B9D1: variants seen among roughly 807,000 people sequenced by gnomAD.
B9D1 encodes B9 domain containing 1, also known as B9 domain-containing protein 1.
B9D1 carries 20 observed loss-of-function variants against 26.1 expected under a neutral mutation model. The observed-to-expected ratio is 0.77, with a 90% CI of 0.54 to 1.12. B9D1 has a LOEUF of 1.12. B9D1 is among the 50% of genes most tolerant of loss of function. B9D1 has a pLI of 0.00. For missense variants in B9D1, 260 were observed against 273.7 expected (o/e 0.95, Z 0.35); for synonymous variants, 105 against 103.1 (o/e 1.02, Z -0.11).
chr17:19,352,361 T>G (rs1909724369), intron 3 of B9D1, among the ~76,000 whole-genome samples: 1 of 152,050 alleles, frequency 6.6e-6, no homozygotes, highest in Admixed American at 6.6e-5. Context: ...CTTTTTTTTT[T>G]TGAGATTGAG....
intron 3 of B9D1, among the ~76,000 whole-genome samples, chr17:19,356,878 C>T (rs971369942): frequency 7.2e-5 from 11 of 152,148 alleles, no homozygotes; most frequent in South Asian, 4.1e-4. Flanking sequence ...GAGGTTCGTC[C>T]AGTACCTACA....
At chr17:19,361,506 G>GT (rs2152277476) in intron 1 of B9D1, among the ~76,000 whole-genome samples, 1 of 152,202 alleles carries the variant, frequency 6.6e-6, no homozygotes, top group Admixed American at 6.5e-5. Context: ...TGTGGCGGGG[G>GT]GGTCGCTGAT....
intron 5 of B9D1, chr17:19,346,984 G>A (rs1344678750): frequency 2.0e-6 from 3 of 1,531,560 alleles, no homozygotes; most frequent in East Asian, 2.5e-5. Context: ...GTCACATTAT[G>A]TCATGAGCAT....
downstream of B9D1, among the ~76,000 whole-genome samples, chr17:19,342,535 G>A (rs1221562375): frequency 6.6e-6 from 1 of 152,046 alleles, no homozygotes; most frequent in African/African-American, 2.4e-5. Context: ...TGAGGTGCGA[G>A]GGGTTCTTGT....
In B9D1 at chr17:19,360,386, A is replaced by C. The variant is rs1405936788; in HGVS notation, c.66T>G (p.Phe22Leu). Residue 22 changes from phenylalanine to leucine, a missense_variant and splice_region_variant, in exon 2 of 7, where the codon TTT (phenylalanine) becomes TTG (leucine). Physicochemically the swap from Phe to Leu is conservative, Grantham distance 22. Coordinates refer to ENST00000261499, the MANE Select transcript of B9D1 (RefSeq NM_015681.6). ...MVNGQVESAQ[F>L]PEYDDLYCKY... The stretch of plus-strand genomic sequence containing the variant: ...TGCAGTAGAGGTCATCATACTCTGG[A>C]AACTGAAAAAAGCACAGACAGATTC... 2.5e-6 allele frequency: 4 copies of C among 1,613,584 alleles called. No individual in the cohort carries two copies. Among genetic ancestry groups the C allele is most frequent in the Non-Finnish European group, 8.5e-7 (1 of 1,179,914 alleles).
chr17:19,337,690 G>A (rs941499851), downstream of B9D1: 19 of 1,531,400 alleles, frequency 1.2e-5, no homozygotes, highest in Non-Finnish European at 1.7e-5. Context: ...GTGACTCAGG[G>A]ACTCAAGCCG....
At chr17:19,335,566 G>T, downstream of B9D1, 1 of 1,313,664 alleles carries the variant, frequency 7.6e-7, no homozygotes. Context: ...TGGGGTGGGG[G>T]GTGCTTCTGT....
At position 19,347,838 on chromosome 17, in the gene B9D1, C is replaced by G; in HGVS notation, c.287G>C (p.Gly96Ala). ...CCCATAGCCTCGAACCACATCGTTCCCGAACACATCTGGTCCATACACGCT... is the reference window on the plus strand; with the variant it reads ...CCCATAGCCTCGAACCACATCGTTCGCGAACACATCTGGTCCATACACGCT... ...VLSVYGPDVF[G>A]NDVVRGYGAV... Residue 96 changes from glycine to alanine, a missense_variant, in exon 4 of 7, where the codon GGG (glycine) becomes GCG (alanine). By Grantham distance (60) the Gly-to-Ala change is moderately conservative (BLOSUM62 0). Coordinates refer to ENST00000261499, the MANE Select transcript of B9D1 (RefSeq NM_015681.6). The surrounding 1 kb of genome is among the most constrained non-coding windows in gnomAD (Gnocchi z 4.3). 6.2e-7 allele frequency: 1 copy of G among 1,614,110 alleles called. No homozygotes were observed.
chr17:19,357,284 T>G (rs1301890667), intron 3 of B9D1, among the ~76,000 whole-genome samples: 2 of 152,210 alleles, frequency 1.3e-5, no homozygotes, highest in African/African-American at 4.8e-5. Flanking sequence ...ACTTATGAAG[T>G]GCAAGTGAAC....
At chr17:19,342,918 G>T, downstream of B9D1, 1 of 261,768 alleles carries the variant, frequency 3.8e-6, no homozygotes, top group Non-Finnish European at 6.7e-6. Flanking sequence ...TAAGGAGGGT[G>T]CCATGCCCAG....
downstream of B9D1, among the ~76,000 whole-genome samples, chr17:19,337,123 G>T (rs1178354554): frequency 2.0e-5 from 3 of 152,202 alleles, no homozygotes; most frequent in Non-Finnish European, 4.4e-5. Flanking sequence ...GCTGCTCTGG[G>T]AAGCCACTGC....
chr17:19,372,065 A>T lies in B9D1; in HGVS notation c.-298+5794T>A, dbSNP rs1911922301. On this transcript the variant is annotated intron_variant, in intron 1 of 5. Coordinates refer to the B9D1 transcript ENST00000477478. The surrounding 1 kb of genome is among the most constrained non-coding windows in gnomAD (Gnocchi z 4.4). ...TTGTCACCTGTAACCAGGGACAATG[A>T]TGCATCACCCGAGTCCCCCTCAGAG... The T allele has an allele frequency of 1.3e-5, 2 of 152,264 alleles. No homozygotes were observed. Among genetic ancestry groups the T allele is most frequent in the Admixed American group, 6.5e-5 (1 of 15,274 alleles). 9.4% of individuals were successfully genotyped at this position (152,264 alleles called of 1,614,324 possible).
intron 6 of B9D1, 120 bp downstream of exon 6, chr17:19,343,670 T>C: frequency 7.5e-6 from 12 of 1,606,262 alleles, no homozygotes; most frequent in Non-Finnish European, 1.0e-5. Flanking sequence ...CTGGGAACAT[T>C]TGTGGGCTAG....
At chr17:19,366,095 C>T (rs1428618330), upstream of B9D1, among the ~76,000 whole-genome samples, 1 of 151,936 alleles carries the variant, frequency 6.6e-6, no homozygotes, top group Non-Finnish European at 1.5e-5. Flanking sequence ...GTCTGCTCCC[C>T]ACTTCCCACC....
In B9D1 at chr17:19,347,274, A is replaced by T; in HGVS notation, c.399T>A (p.Phe133Leu). 6.2e-7 allele frequency: 1 copy of T among 1,614,228 alleles called. No individual in the cohort carries two copies. Among genetic ancestry groups the T allele is most frequent in the Non-Finnish European group, 8.5e-7 (1 of 1,180,048 alleles). ...VPESTSKLQK[F>L]TSWFMGRRPE... ...GTTATGGGTACAAAACTCACCTTGT[A>T]AACTTCTGCAGTTTAGACGTAGATT... The change falls in exon 5 of 7, where the codon TTT becomes TTA. Residue 133 changes from phenylalanine to leucine, a missense_variant. By Grantham distance (22) the Phe-to-Leu change is conservative (BLOSUM62 0). Transcript: ENST00000261499. This position sits in a 1 kb window ranked among gnomAD's most constrained non-coding sequence, Gnocchi z 4.3.
chr17:19,363,678 A>G (rs1214269971), upstream of B9D1: 1 of 152,206 alleles, frequency 6.6e-6, no homozygotes, highest in Non-Finnish European at 1.5e-5. Flanking sequence ...ACAGGTGTGT[A>G]GACTCCCGGG....
Position 19,372,108 on chromosome 17 carries a change from C to T in B9D1, c.-298+5751G>A, listed in dbSNP as rs977696285. The T allele has an allele frequency of 6.6e-5, 10 of 152,262 alleles. No individual in the cohort carries two copies. Among genetic ancestry groups the T allele is most frequent in the African/African-American group, 2.2e-4 (9 of 41,442 alleles). 9.4% of individuals were successfully genotyped at this position (152,262 alleles called of 1,614,324 possible). On this transcript the variant is annotated intron_variant, in intron 1 of 5. Transcript: ENST00000477478. The surrounding 1 kb of genome is among the most constrained non-coding windows in gnomAD (Gnocchi z 4.4). ...CCTCAGAGAAAGATGAAGGTAGAAA[C>T]GCTTACACACTGAAGATGCTGCTGG...
At chr17:19,345,184 C>T (rs959719135) in intron 5 of B9D1, among the ~76,000 whole-genome samples, 1 of 152,168 alleles carries the variant, frequency 6.6e-6, no homozygotes, top group Non-Finnish European at 1.5e-5. Context: ...CAAGGAAGGA[C>T]CCCTCAGACT....
rs1910897250 is a variant in B9D1, at chr17:19,360,398, G to A, written c.64-10C>T. ...CATCATACTCTGGAAACTGAAAAAA[G>A]CACAGACAGATTCTGTCGACTGGTA... is the stretch of plus-strand genomic sequence containing the variant. On this transcript the variant is annotated splice_polypyrimidine_tract_variant and intron_variant, in intron 1 of 6. Transcript: ENST00000261499. 1 of 1,613,144 alleles carries A rather than the reference G, an allele frequency of 6.2e-7. No homozygotes were observed. Among genetic ancestry groups the A allele is most frequent in the Non-Finnish European group, 8.5e-7 (1 of 1,179,438 alleles).
Sources: allele counts gnomAD v4.1 joint callset (sites outside exome capture counted in the v4.1 genomes callset), GRCh38; gene constraint gnomAD v4.1.1; non-coding constraint Gnocchi (gnomAD v3.1); transcripts MANE v1.5; gene names NCBI Gene and HGNC (gene_info 2026-07-23, HGNC 2026-07-21).